Variants in ALMS1 observed in about 807,000 individuals in gnomAD.
ALMS1 encodes centrosome-associated protein ALMS1.
ALMS1 carries 271 observed loss-of-function variants against 352.2 expected under a neutral mutation model. The observed-to-expected ratio is 0.77, with a 90% CI of 0.70 to 0.85. The LOEUF (loss-of-function observed/expected upper bound fraction) is 0.85. Among genes scored for constraint, ALMS1 ranks in the 40% least tolerant of loss-of-function variants. The probability of loss-of-function intolerance (pLI) is 0.00; values close to 1 mark genes in which losing one functional copy is unlikely to be tolerated. For synonymous variants in ALMS1, 1,865 were observed against 1,761.2 expected (o/e 1.06, Z -1.48); for missense variants, 5,445 against 4,870.7 (o/e 1.12, Z -3.51).
intron 13 of ALMS1, among the ~76,000 whole-genome samples, chr2:73,555,524 T>G (rs1674523886): frequency 6.6e-6 from 1 of 152,182 alleles, no homozygotes; most frequent in Non-Finnish European, 1.5e-5. Flanking sequence ...AGATGGTCTG[T>G]CCTTATGACC....
At chr2:73,579,152 C>G (rs796977756) in intron 16 of ALMS1, among the ~76,000 whole-genome samples, 1 of 150,236 alleles carries the variant, frequency 6.7e-6, no homozygotes. Flanking sequence ...CTCCACCTCC[C>G]GGGTTCCAGC....
At chr2:73,585,726 C>CAT (rs749192981) in intron 16 of ALMS1, among the ~76,000 whole-genome samples, 1 of 119,554 alleles carries the variant, frequency 8.4e-6, no homozygotes, top group African/African-American at 3.5e-5. Flanking sequence ...ACTTCTTGGC[C>CAT]TTTTTTTTTT....
intron 10 of ALMS1, among the ~76,000 whole-genome samples, chr2:73,493,749 A>G (rs181367167): frequency 1.1e-3 from 175 of 152,316 alleles, no homozygotes; most frequent in Non-Finnish European, 2.0e-3. Flanking sequence ...GTATGTATGT[A>G]TAAAATATTT....
intron 16 of ALMS1, among the ~76,000 whole-genome samples, chr2:73,587,132 C>T (rs978771121): frequency 2.0e-5 from 3 of 152,084 alleles, no homozygotes; most frequent in Non-Finnish European, 4.4e-5. Flanking sequence ...ATTTTGTATC[C>T]TGTAACTTTA....
rs192499639 is a variant in ALMS1 at position 73,450,856 on chromosome 2, G to T, written c.4329G>T (p.Leu1443Phe). ...CTGGTAGTTTCTACCAACAGGTCTTGCCACATAGTCATCTACCTGAAGAGG... is the reference window on the plus strand; with the variant it reads ...CTGGTAGTTTCTACCAACAGGTCTTTCCACATAGTCATCTACCTGAAGAGG... ...EKPGSFYQQV[L>F]PHSHLPEEAL... The change falls in exon 8 of 23, where the codon TTG becomes TTT. Residue 1443 changes from leucine to phenylalanine, a missense_variant. Coordinates refer to ENST00000613296, the MANE Select transcript of ALMS1 (RefSeq NM_001378454.1). The T allele has an allele frequency of 2.2e-4, 351 of 1,614,120 alleles. No homozygotes were observed. The East Asian group carries it at 4.8e-3, about 22-fold the overall frequency.
chr2:73,562,709 G>A (rs1442875213), intron 15 of ALMS1, among the ~76,000 whole-genome samples: 1 of 151,966 alleles, frequency 6.6e-6, no homozygotes, highest in African/African-American at 2.4e-5. Flanking sequence ...CCAACATGGA[G>A]GATCCCCATA....
At chr2:73,395,044 GTATATATATATATGTGTA>G (rs1558628435) in intron 1 of ALMS1, among the ~76,000 whole-genome samples, 28 of 95,206 alleles carry the variant, frequency 2.9e-4, no homozygotes, top group Admixed American at 5.3e-4. Flanking sequence ...ATATGTGTGT[GTATATATATATATGTGTA>G]TATATATATA....
At chr2:73,590,264 A>G (rs901615791) in intron 16 of ALMS1, among the ~76,000 whole-genome samples, 1 of 152,204 alleles carries the variant, frequency 6.6e-6, no homozygotes, top group African/African-American at 2.4e-5. Context: ...GTGAGAAAAT[A>G]TATGGAAAAT....
chr2:73,584,853 C>T (rs1675273355), intron 16 of ALMS1, among the ~76,000 whole-genome samples: 1 of 151,750 alleles, frequency 6.6e-6, no homozygotes, highest in South Asian at 2.1e-4. Context: ...CATAACTTAG[C>T]TCCCCGTTAT....
At chr2:73,417,182 G>T (rs1325653818) in intron 2 of ALMS1, among the ~76,000 whole-genome samples, 1 of 151,926 alleles carries the variant, frequency 6.6e-6, no homozygotes, top group Admixed American at 6.5e-5. Flanking sequence ...TTAAATTCAA[G>T]AAATAGAGAA....
intron 12 of ALMS1, among the ~76,000 whole-genome samples, chr2:73,540,220 T>C (rs1036665724): frequency 1.3e-5 from 2 of 152,208 alleles, no homozygotes; most frequent in African/African-American, 4.8e-5. Context: ...GTATTCAACA[T>C]TCTTAAAGAA....
intron 1 of ALMS1, among the ~76,000 whole-genome samples, chr2:73,405,666 G>A (rs936450481): frequency 6.6e-6 from 1 of 150,486 alleles, no homozygotes; most frequent in Non-Finnish European, 1.5e-5. Context: ...TTAGATTATT[G>A]ACATGAATTT....
intron 9 of ALMS1, among the ~76,000 whole-genome samples, chr2:73,488,390 C>T (rs926569144): frequency 2.0e-5 from 3 of 152,198 alleles, no homozygotes; most frequent in African/African-American, 4.8e-5. Flanking sequence ...GTAATTGGAG[C>T]GGGAACCAGG....
intron 1 of ALMS1, among the ~76,000 whole-genome samples, chr2:73,387,343 G>A (rs553589603): frequency 6.6e-6 from 1 of 152,348 alleles, no homozygotes; most frequent in East Asian, 1.9e-4. Flanking sequence ...ACAGATTTCA[G>A]ATGATCACAT....
chr2:73,445,782 G>T (rs1172059172), intron 7 of ALMS1, among the ~76,000 whole-genome samples: 2 of 35,284 alleles, frequency 5.7e-5, no homozygotes, highest in African/African-American at 2.3e-4. Flanking sequence ...GTGTAGTATA[G>T]TCTTTTCTGG....
At chr2:73,596,123 A>C (rs1012157127) in intron 16 of ALMS1, among the ~76,000 whole-genome samples, 2 of 152,180 alleles carry the variant, frequency 1.3e-5, no homozygotes, top group African/African-American at 4.8e-5. Context: ...GTCCCATTTA[A>C]ACTGTTTGTC....
intron 10 of ALMS1, among the ~76,000 whole-genome samples, chr2:73,494,118 A>G (rs1390080039): frequency 2.0e-5 from 3 of 152,166 alleles, no homozygotes; most frequent in Non-Finnish European, 4.4e-5. Flanking sequence ...ATAATATGAC[A>G]CCTAAGCTTC....
chr2:73,418,843 T>A (rs1671229845), intron 2 of ALMS1, among the ~76,000 whole-genome samples: 1 of 152,226 alleles, frequency 6.6e-6, no homozygotes, highest in Non-Finnish European at 1.5e-5. Context: ...CATGAATTTC[T>A]ATTTCACAAG....
chr2:73,588,273 CTCTGCAG>C (rs1675351469), intron 16 of ALMS1, among the ~76,000 whole-genome samples: 1 of 152,168 alleles, frequency 6.6e-6, no homozygotes, highest in Non-Finnish European at 1.5e-5. Context: ...CCCCTGCAGT[CTCTGCAG>C]TCCAGGCCCT....
Sources: allele counts gnomAD v4.1 joint callset (sites outside exome capture counted in the v4.1 genomes callset), GRCh38; gene constraint gnomAD v4.1.1; transcripts MANE v1.5; gene names NCBI Gene and HGNC (gene_info 2026-07-23, HGNC 2026-07-21).